Variants in CADM2 observed in about 807,000 individuals in gnomAD.
CADM2 encodes the protein immunoglobulin superfamily member 4D.
In CADM2, 12 loss-of-function variants were observed where a neutral mutation model predicts 49.8. The ratio of observed to expected loss-of-function variants is 0.24; its 90% CI spans 0.15 to 0.39. The LOEUF is 0.39. CADM2 is among the 10% of genes least tolerant of loss of function. CADM2 has a pLI of 1.00. For synonymous variants in CADM2, 214 were observed against 175.4 expected, an observed-to-expected ratio of 1.22 and a Z score of -1.74; for missense variants, 378 against 492.3, an observed-to-expected ratio of 0.77 and a Z score of 2.20.
chr3:85,657,829 C>A (rs1336502495), intron 1 of CADM2, among the ~76,000 whole-genome samples: 1 of 146,622 alleles, frequency 6.8e-6, no homozygotes, highest in Non-Finnish European at 1.5e-5. Context: ...ATGATCAAGT[C>A]TTAATCTCTA....
At chr3:85,278,668 T>G (rs1479808175) in intron 1 of CADM2, among the ~76,000 whole-genome samples, 2 of 151,182 alleles carry the variant, frequency 1.3e-5, no homozygotes, top group African/African-American at 4.8e-5. Context: ...TCTTCTGAAG[T>G]ACATAATTTT....
intron 1 of CADM2, among the ~76,000 whole-genome samples, chr3:85,637,659 T>C (rs982072595): frequency 1.5e-5 from 2 of 131,914 alleles, no homozygotes; most frequent in African/African-American, 6.0e-5. Flanking sequence ...AAATAAAAGG[T>C]ATTATTTAGC....
At chr3:85,537,472 A>G (rs561700676) in intron 1 of CADM2, among the ~76,000 whole-genome samples, 61 of 134,886 alleles carry the variant, frequency 4.5e-4, no homozygotes, top group African/African-American at 1.5e-3. Flanking sequence ...TTGGTCAAGT[A>G]CAAGTACGCA....
At chr3:85,650,420 C>T (rs2065010166) in intron 1 of CADM2, among the ~76,000 whole-genome samples, 1 of 150,892 alleles carries the variant, frequency 6.6e-6, no homozygotes, top group Admixed American at 6.6e-5. Flanking sequence ...AGTTTCAAAA[C>T]AGCATTTACA....
At chr3:85,671,192 C>G (rs1253205757) in intron 1 of CADM2, among the ~76,000 whole-genome samples, 1 of 152,112 alleles carries the variant, frequency 6.6e-6, no homozygotes, top group Non-Finnish European at 1.5e-5. Flanking sequence ...TTCTTCTTTA[C>G]ACTTATAATA....
chr3:85,620,084 T>G (rs984088984), intron 1 of CADM2, among the ~76,000 whole-genome samples: 3 of 152,244 alleles, frequency 2.0e-5, no homozygotes, highest in Admixed American at 2.0e-4. Flanking sequence ...CAGGCAGCAT[T>G]GATTCATGCC....
chr3:85,128,530 G>C (rs1449722154), intron 1 of CADM2, among the ~76,000 whole-genome samples: 3 of 152,120 alleles, frequency 2.0e-5, no homozygotes, highest in Non-Finnish European at 2.9e-5. Context: ...TATTTTGACA[G>C]TATGAGTTTA....
chr3:85,549,004 A>G (rs1006344763), intron 1 of CADM2, among the ~76,000 whole-genome samples: 3 of 152,230 alleles, frequency 2.0e-5, no homozygotes, highest in African/African-American at 7.2e-5. Context: ...GTGCTACATA[A>G]TAGACGCCTA....
At chr3:85,090,511 TA>T (rs1326652195) in intron 1 of CADM2, among the ~76,000 whole-genome samples, 1 of 152,200 alleles carries the variant, frequency 6.6e-6, no homozygotes. Flanking sequence ...AGATACAAAA[TA>T]TTTTTTCTTA....
chr3:85,156,967 A>T (rs990171929), intron 1 of CADM2, among the ~76,000 whole-genome samples: 3 of 152,270 alleles, frequency 2.0e-5, no homozygotes, highest in East Asian at 3.9e-4. Context: ...AATCTCCTTA[A>T]GCTGATAAGC....
At chr3:85,246,441 A>G (rs2042647793) in intron 1 of CADM2, among the ~76,000 whole-genome samples, 1 of 152,118 alleles carries the variant, frequency 6.6e-6, no homozygotes, top group Non-Finnish European at 1.5e-5. Context: ...AACTTAAAGT[A>G]TAATAAATAA....
chr3:85,179,221 C>G (rs2040862415), intron 1 of CADM2, among the ~76,000 whole-genome samples: 1 of 151,870 alleles, frequency 6.6e-6, no homozygotes, highest in African/African-American at 2.4e-5. Flanking sequence ...TTCAATTTAT[C>G]CTAAAACCTG....
intron 1 of CADM2, among the ~76,000 whole-genome samples, chr3:85,696,429 G>T (rs966750673): frequency 5.3e-5 from 8 of 151,848 alleles, no homozygotes; most frequent in African/African-American, 1.5e-4. Flanking sequence ...AATCCACCTT[G>T]AGTTAATTTT....
At chr3:85,256,325 T>C (rs1413064769) in intron 1 of CADM2, among the ~76,000 whole-genome samples, 2 of 152,074 alleles carry the variant, frequency 1.3e-5, no homozygotes, top group African/African-American at 4.8e-5. Context: ...TTCATCAGCC[T>C]GAAAGATAAA....
intron 1 of CADM2, among the ~76,000 whole-genome samples, chr3:85,603,855 T>G (rs2063482932): frequency 6.6e-6 from 1 of 151,994 alleles, no homozygotes; most frequent in South Asian, 2.1e-4. Context: ...TCTACTAACC[T>G]GTTTTGCTAA....
chr3:85,174,623 T>C lies in CADM2; in HGVS notation c.61+214955T>C, dbSNP rs562060970. On this transcript the variant is annotated intron_variant, in intron 1 of 9. Transcript: ENST00000383699. ...AAACAAATAAATGAAATTCAACTAATATTATTTTGCCTTTTAATTGCTACT... is the reference window on the plus strand; with the variant it reads ...AAACAAATAAATGAAATTCAACTAACATTATTTTGCCTTTTAATTGCTACT... 3.3e-5 allele frequency among the ~76,000 whole-genome samples: 5 copies of C among 152,148 alleles called. 1 individual carries two copies. The South Asian group carries it at 1.0e-3, about 32-fold the overall frequency.
At chr3:85,495,790 T>C (rs2039862732) in intron 1 of CADM2, among the ~76,000 whole-genome samples, 1 of 152,022 alleles carries the variant, frequency 6.6e-6, no homozygotes, top group South Asian at 2.1e-4. Context: ...AATCAGATTC[T>C]GCAGTAACAG....
chr3:85,227,220 G>A (rs2107804374), intron 1 of CADM2, among the ~76,000 whole-genome samples: 1 of 152,142 alleles, frequency 6.6e-6, no homozygotes, highest in East Asian at 1.9e-4. Flanking sequence ...TATTGACAGT[G>A]GAGTGTTAAA....
At chr3:85,027,904 C>G (rs555151563) in intron 1 of CADM2, among the ~76,000 whole-genome samples, 5 of 152,240 alleles carry the variant, frequency 3.3e-5, no homozygotes, top group Admixed American at 2.0e-4. Context: ...AGATCTCAAT[C>G]ATAAAATTAT....
Sources: gnomAD v4.1 joint callset for allele counts (sites outside exome capture counted in the v4.1 genomes callset) on GRCh38, gnomAD v4.1.1 for gene constraint, MANE v1.5 for transcripts, NCBI Gene and HGNC (gene_info 2026-07-23, HGNC 2026-07-21) for gene names.